The following PDCD11 variants were observed in gnomAD, a reference collection of about 807,000 sequenced individuals.
The protein encoded by PDCD11 is programmed cell death 11.
A neutral mutation model predicts 198.9 loss-of-function variants in PDCD11; 97 were observed. The ratio of observed to expected loss-of-function variants is 0.49; its 90% CI spans 0.41 to 0.58. PDCD11 has a LOEUF of 0.58. Ranked by LOEUF, PDCD11 falls within the 20% of genes least tolerant of loss-of-function variation. The pLI is 0.00. For synonymous variants in PDCD11, 893 were observed against 918.0 expected (o/e 0.97, Z 0.49); for missense variants, 2,102 against 2,312.7 (o/e 0.91, Z 1.87).
chr10:103,435,032 A>G, intron 25 of PDCD11, 57 bp downstream of exon 25: 1 of 1,319,546 alleles, frequency 7.6e-7, no homozygotes, highest in Non-Finnish European at 1.0e-6. Context: ...TATTTAAAAA[A>G]AAACGTTGTT....
At chr10:103,429,541 A>G (rs974591577) in intron 21 of PDCD11, among the ~76,000 whole-genome samples, 3 of 150,336 alleles carry the variant, frequency 2.0e-5, no homozygotes, top group East Asian at 2.0e-4. Flanking sequence ...ACAGATGGCC[A>G]TCTTCTCCCC....
chr10:103,403,911 G>A (rs887194314), intron 4 of PDCD11, among the ~76,000 whole-genome samples: 3 of 152,294 alleles, frequency 2.0e-5, no homozygotes, highest in Middle Eastern at 3.4e-3. Flanking sequence ...CTAGGTTTCT[G>A]TTTTGCATGA....
chr10:103,398,585 TGA>T, intron 2 of PDCD11, 57 bp downstream of exon 2: 1 of 1,103,460 alleles, frequency 9.1e-7, no homozygotes, highest in Non-Finnish European at 1.4e-6. Flanking sequence ...TAGTGTCTTG[TGA>T]AAAATGAGCC....
chr10:103,413,047 C>T (rs2030895364), intron 8 of PDCD11, 69 bp from the exon 9 acceptor site: 48 of 1,190,622 alleles, frequency 4.0e-5, no homozygotes, highest in Non-Finnish European at 5.9e-5. Flanking sequence ...AGGCTTGATG[C>T]CTGGAAGGTC....
At chr10:103,442,606 C>T in intron 32 of PDCD11, 146 bp downstream of exon 32, 1 of 792,132 alleles carries the variant, frequency 1.3e-6, no homozygotes, top group African/African-American at 1.7e-5. Context: ...GGCTTTCTGC[C>T]ATAGCTGCGG....
chr10:103,440,710 G>A, intron 29 of PDCD11, 24 bp from the exon 30 acceptor site: 1 of 1,613,936 alleles, frequency 6.2e-7, no homozygotes, highest in Non-Finnish European at 8.5e-7. Flanking sequence ...ATGCTCCTAG[G>A]CATTCTCCCA....
At chr10:103,398,391 C>T in intron 1 of PDCD11, 25 bp from the exon 2 acceptor site, 2 of 1,371,448 alleles carry the variant, frequency 1.5e-6, no homozygotes, top group East Asian at 2.3e-5. Flanking sequence ...CAACATGTCA[C>T]CATTATCCTT....
intron 8 of PDCD11, among the ~76,000 whole-genome samples, chr10:103,410,833 T>C (rs2030758045): frequency 6.6e-6 from 1 of 151,814 alleles, no homozygotes; most frequent in African/African-American, 2.4e-5. Flanking sequence ...CCCAGCACTT[T>C]GGTAGGCCGA....
At chr10:103,417,472 C>T (rs1415718312) in intron 13 of PDCD11, among the ~76,000 whole-genome samples, 2 of 152,236 alleles carry the variant, frequency 1.3e-5, no homozygotes, top group Non-Finnish European at 2.9e-5. Context: ...TAAGCCTGGC[C>T]ACCATGTGAT....
intron 2 of PDCD11, among the ~76,000 whole-genome samples, chr10:103,399,983 G>C (rs2029906131): frequency 6.6e-6 from 1 of 152,158 alleles, no homozygotes; most frequent in African/African-American, 2.4e-5. Context: ...GAGCCACTGT[G>C]CCTGGATTTT....
rs147308132 is a variant in PDCD11 at position 103,440,535 on chromosome 10, C to T, written c.4394C>T (p.Ala1465Val). 4.3e-5 allele frequency: 70 copies of T among 1,613,102 alleles called. No homozygotes were observed. The highest frequency in any genetic ancestry group is 3.3e-4 in the African/African-American group (25 of 75,016). The change falls in exon 29 of 36, where the codon GCG becomes GTG. Residue 1465 changes from alanine (A) to valine (V), a missense_variant. Physicochemically the swap from Ala to Val is moderately conservative, Grantham distance 64. Coordinates refer to ENST00000369797, the MANE Select transcript of PDCD11 (RefSeq NM_014976.2). ...KEKQQPQKPQ[A>V]QKRGGRECRE... ...AAGCAACAGCCCCAGAAGCCACAGG[C>T]GCAGAAGCGGGGCGGGCGGGAGTGC...
At chr10:103,423,414 C>G (rs1002797439) in intron 18 of PDCD11, 129 bp from the exon 19 acceptor site, 11 of 714,518 alleles carry the variant, frequency 1.5e-5, no homozygotes, top group South Asian at 5.5e-5. Context: ...TAATTATGGC[C>G]CGTATGGACC....
At chr10:103,411,403 T>A (rs998530362) in intron 8 of PDCD11, among the ~76,000 whole-genome samples, 1 of 152,228 alleles carries the variant, frequency 6.6e-6, no homozygotes, top group Non-Finnish European at 1.5e-5. Flanking sequence ...TCACACACTA[T>A]TGCCCAGAGT....
intron 7 of PDCD11, among the ~76,000 whole-genome samples, chr10:103,407,767 G>A (rs1592115541): frequency 6.6e-6 from 1 of 151,452 alleles, no homozygotes; most frequent in East Asian, 2.0e-4. Context: ...TGCCCAGGCT[G>A]GCATGCAGTG....
chr10:103,436,329 TG>T (rs2032154490), intron 25 of PDCD11, among the ~76,000 whole-genome samples: 1 of 152,244 alleles, frequency 6.6e-6, no homozygotes, highest in Admixed American at 6.5e-5. Flanking sequence ...CTCAAGCTCC[TG>T]GGCTTAAGTG....
Position 103,422,981 on chromosome 10 carries a change from C to G in PDCD11, c.2498-7C>G, listed in dbSNP as rs1208969321. 6.7e-7 allele frequency: 1 copy of G among 1,499,132 alleles called. No homozygotes were observed. The highest frequency in any genetic ancestry group is 2.5e-5 in the East Asian group (1 of 40,392). 92.9% of individuals were successfully genotyped at this position (1,499,132 alleles called of 1,614,324 possible). The stretch of plus-strand genomic sequence containing the variant: ...ACTAATCCGTGTTTCCTTTGGATCT[C>G]TGGCAGACTCTGTGTTGATCCAGAC... On this transcript the variant is annotated splice_polypyrimidine_tract_variant and splice_region_variant and intron_variant, in intron 17 of 35. Coordinates refer to ENST00000369797, the MANE Select transcript of PDCD11 (RefSeq NM_014976.2).
intron 35 of PDCD11, 102 bp downstream of exon 35, chr10:103,444,784 G>GCTGGTTTTCTAGATCAAGT: frequency 8.8e-7 from 1 of 1,134,418 alleles, no homozygotes; most frequent in Non-Finnish European, 1.3e-6. Flanking sequence ...ACTTGATCTA[G>GCTGGTTTTCTAGATCAAGT]AAAACCAGCT....
At chr10:103,419,953 C>CTTTTTTT (rs35847749) in intron 16 of PDCD11, among the ~76,000 whole-genome samples, 4 of 97,398 alleles carry the variant, frequency 4.1e-5, no homozygotes, top group Non-Finnish European at 7.8e-5. Context: ...ACATGCCAGG[C>CTTTTTTT]TTTTTTTTTT....
intron 24 of PDCD11, 174 bp downstream of exon 24, chr10:103,434,524 C>G (rs2032069399): frequency 1.7e-6 from 1 of 604,300 alleles, no homozygotes; most frequent in Non-Finnish European, 2.9e-6. Flanking sequence ...GGCCCAGTTA[C>G]TCCACTGCTC....
Sources: gnomAD v4.1 joint callset for allele counts (sites outside exome capture counted in the v4.1 genomes callset) on GRCh38, gnomAD v4.1.1 for gene constraint, MANE v1.5 for transcripts, NCBI Gene and HGNC (gene_info 2026-07-23, HGNC 2026-07-21) for gene names.